The following NWD1 variants were observed in gnomAD, a reference collection of about 807,000 sequenced individuals.
The protein encoded by NWD1 is NACHT domain- and WD repeat-containing protein 1.
A neutral mutation model predicts 135.1 loss-of-function variants in NWD1; 129 were observed. The observed-to-expected ratio is 0.96, with a 90% CI of 0.83 to 1.11. The LOEUF is 1.11. NWD1 is among the 50% of genes least tolerant of loss of function. The probability of loss-of-function intolerance (pLI) is 0.00; values close to 1 mark genes in which losing one functional copy is unlikely to be tolerated. For synonymous variants in NWD1, 773 were observed against 786.0 expected (o/e 0.98, Z 0.28); for missense variants, 1,740 against 1,851.3 (o/e 0.94, Z 1.10).
In NWD1 at chr19:16,744,469, G is replaced by T; in HGVS notation, c.247G>T (p.Asp83Tyr). 6.5e-7 allele frequency: 1 copy of T among 1,535,722 alleles called. No individual in the cohort carries two copies. Among genetic ancestry groups the T allele is most frequent in the Non-Finnish European group, 8.7e-7 (1 of 1,146,600 alleles). The change falls in exon 5 of 19, where the codon GAT (aspartate) becomes TAT (tyrosine). Residue 83 changes from aspartate (D) to tyrosine (Y), a missense_variant. By Grantham distance (160) the Asp-to-Tyr change is radical (BLOSUM62 -3). Transcript: ENST00000524140. ...CCCCTGTCTGATTCCCTCGCGGATC[G>T]ATGAGAAGGAGTGGGAGGTATTGAG... ...YGPCLIPSRI[D>Y]EKEWEVLRDH...
At chr19:16,784,480 G>A (rs968528482) in intron 12 of NWD1, among the ~76,000 whole-genome samples, 6 of 152,064 alleles carry the variant, frequency 3.9e-5, no homozygotes, top group African/African-American at 1.4e-4. Context: ...GTGGATTTTG[G>A]TATCCGCAGG....
At chr19:16,723,138 A>G (rs1967199283) in intron 1 of NWD1, among the ~76,000 whole-genome samples, 1 of 151,878 alleles carries the variant, frequency 6.6e-6, no homozygotes, top group Non-Finnish European at 1.5e-5. Context: ...CGCTCAAGTG[A>G]TTCTCCCATC....
intron 6 of NWD1, among the ~76,000 whole-genome samples, chr19:16,752,891 C>T (rs985945892): frequency 2.0e-5 from 3 of 152,008 alleles, no homozygotes; most frequent in Non-Finnish European, 4.4e-5. Flanking sequence ...CCCAGCTACT[C>T]GGGAGGCTGA....
chr19:16,786,218 G>A (rs1187696253), intron 12 of NWD1, among the ~76,000 whole-genome samples: 6 of 151,692 alleles, frequency 4.0e-5, no homozygotes, highest in South Asian at 2.1e-4. Context: ...TATGTTGCCC[G>A]GCTTGTCTCG....
At chr19:16,741,622 G>A (rs547378696) in intron 4 of NWD1, among the ~76,000 whole-genome samples, 1 of 151,916 alleles carries the variant, frequency 6.6e-6, no homozygotes, top group East Asian at 2.0e-4. Flanking sequence ...ACCTGCCTCG[G>A]CCTCCCAAAG....
intron 4 of NWD1, among the ~76,000 whole-genome samples, chr19:16,741,512 C>T (rs747070861): frequency 9.2e-5 from 14 of 151,406 alleles, no homozygotes; most frequent in Non-Finnish European, 1.6e-4. Context: ...ATTACAGGCA[C>T]CTACCACCAT....
intron 2 of NWD1, among the ~76,000 whole-genome samples, chr19:16,725,246 C>T (rs1308884824): frequency 2.0e-5 from 3 of 151,844 alleles, no homozygotes; most frequent in South Asian, 2.1e-4. Flanking sequence ...TCAAATGATT[C>T]GCCTGTCTTG....
At chr19:16,749,101 A>G in intron 5 of NWD1, 38 bp from the exon 6 acceptor site, 1 of 1,527,166 alleles carries the variant, frequency 6.5e-7, no homozygotes, top group East Asian at 2.3e-5. Flanking sequence ...TGACCCAATA[A>G]TGACCACACT....
At chr19:16,812,826 A>G (rs1359967153) in intron 18 of NWD1, 2 of 780,942 alleles carry the variant, frequency 2.6e-6, no homozygotes, top group Admixed American at 1.7e-5. Flanking sequence ...GGATCGCTCT[A>G]TACTTGTTTG....
In NWD1 at chr19:16,762,084, C is replaced by T. The variant is rs377438799; in HGVS notation, c.2079C>T (p.Thr693=). The change falls in exon 8 of 19, where the codon ACC becomes ACT. Residue 693 remains threonine (T), a synonymous_variant. Transcript: ENST00000524140. ...TCTCAGGGACCTGGAGCCAGGGTAC[C>T]AAGAAGCTCATCACTCTGCCACTTG... is the stretch of plus-strand genomic sequence containing the variant. ...DFFSGTWSQG[T]KKLITLPLVG... The T allele has an allele frequency of 9.3e-6, 15 of 1,613,960 alleles. No individual in the cohort carries two copies. In the Admixed American group the frequency reaches 1.7e-4, roughly 18 times the overall value.
At chr19:16,813,482 G>GT (rs898081957) in intron 18 of NWD1, among the ~76,000 whole-genome samples, 3 of 151,540 alleles carry the variant, frequency 2.0e-5, no homozygotes, top group African/African-American at 2.4e-5. Flanking sequence ...TTTGTTTTTT[G>GT]TTTTTTGTTT....
intron 10 of NWD1, among the ~76,000 whole-genome samples, chr19:16,772,357 C>T (rs201371479): frequency 6.6e-6 from 1 of 151,374 alleles, no homozygotes; most frequent in East Asian, 2.0e-4. Context: ...AGAGTAAGAC[C>T]CTGTCTCTAA....
intron 10 of NWD1, among the ~76,000 whole-genome samples, chr19:16,771,981 A>G (rs562600394): frequency 6.6e-6 from 1 of 151,994 alleles, no homozygotes; most frequent in Non-Finnish European, 1.5e-5. Context: ...TTAATAGCCC[A>G]TTTTTTAATA....
At chr19:16,746,707 C>T (rs897077036) in intron 5 of NWD1, among the ~76,000 whole-genome samples, 2 of 150,408 alleles carry the variant, frequency 1.3e-5, no homozygotes, top group Non-Finnish European at 3.0e-5. Context: ...AAAAAACAGT[C>T]GATGAACACA....
intron 14 of NWD1, among the ~76,000 whole-genome samples, chr19:16,794,221 C>T (rs1970343670): frequency 6.6e-6 from 1 of 152,018 alleles, no homozygotes; most frequent in African/African-American, 2.4e-5. Context: ...CAAAAATTAG[C>T]CGGGCATGGT....
chr19:16,782,376 G>C (rs944772056), intron 12 of NWD1, among the ~76,000 whole-genome samples: 3 of 151,710 alleles, frequency 2.0e-5, no homozygotes, highest in Non-Finnish European at 4.4e-5. Flanking sequence ...TGAGCCAAGA[G>C]GATTGCTTGA....
At position 16,815,359 on chromosome 19, in the gene NWD1, G is replaced by T. The variant is rs1244237639; in HGVS notation, c.*320G>T. On this transcript the variant is annotated 3_prime_UTR_variant, in exon 19 of 19. Coordinates refer to ENST00000524140, the MANE Select transcript of NWD1 (RefSeq NM_001007525.5). ...ATAAAAATAAAAAAACCCTGTGGGG[G>T]TATGGGGCTCCAGTGAGTTAGCCCC... 1.4e-6 allele frequency: 1 copy of T among 695,304 alleles called. No individual in the cohort carries two copies. Among genetic ancestry groups the T allele is most frequent in the Non-Finnish European group, 2.6e-6 (1 of 381,818 alleles). 43.1% of individuals were successfully genotyped at this position (695,304 alleles called of 1,614,324 possible).
chr19:16,732,696 G>A (rs1204806393), intron 3 of NWD1, among the ~76,000 whole-genome samples: 4 of 138,256 alleles, frequency 2.9e-5, no homozygotes, highest in African/African-American at 5.7e-5. Flanking sequence ...GCAGTGGTGT[G>A]ATCTCACAGC....
Position 16,791,445 on chromosome 19 carries a change from G to C in NWD1, c.3036G>C (p.Gln1012His). ...PWMCMAVLAS[Q>H]ATLLTVSRDG... ...TGTGCATGGCCGTGCTGGCCTCCCA[G>C]GCCACACTGCTGACAGTGTCCAGGG... is the stretch of plus-strand genomic sequence containing the variant. The change falls in exon 14 of 19, where the codon CAG (glutamine) becomes CAC (histidine). Residue 1012 changes from glutamine to histidine, a missense_variant. Physicochemically the swap from Gln to His is conservative, Grantham distance 24. Coordinates refer to ENST00000524140, the MANE Select transcript of NWD1 (RefSeq NM_001007525.5). 6.2e-7 allele frequency: 1 copy of C among 1,614,138 alleles called. No individual in the cohort carries two copies. Among genetic ancestry groups the C allele is most frequent in the Non-Finnish European group, 8.5e-7 (1 of 1,180,024 alleles).
Sources: allele counts gnomAD v4.1 joint callset (sites outside exome capture counted in the v4.1 genomes callset), GRCh38; gene constraint gnomAD v4.1.1; transcripts MANE v1.5; gene names NCBI Gene and HGNC (gene_info 2026-07-23, HGNC 2026-07-21).